The following NIBAN1 variants were observed in gnomAD, a reference collection of about 807,000 sequenced individuals.
The protein encoded by NIBAN1 is niban apoptosis regulator 1.
A neutral mutation model predicts 75.1 loss-of-function variants in NIBAN1; 81 were observed. The observed-to-expected ratio is 1.08, with a 90% CI of 0.90 to 1.30. The LOEUF (loss-of-function observed/expected upper bound fraction) is 1.30. Ranked by LOEUF, NIBAN1 falls within the 50% of genes most tolerant of loss-of-function variation. The probability of loss-of-function intolerance (pLI) is 0.00; values close to 1 mark genes in which losing one functional copy is unlikely to be tolerated. For synonymous variants in NIBAN1, 436 were observed against 424.8 expected (o/e 1.03, Z -0.32); for missense variants, 1,133 against 1,128.1 (o/e 1.00, Z -0.06).
rs116022399 is a variant in NIBAN1 at position 184,888,439 on chromosome 1, A to C, written c.433+1669T>G. 5.7e-3 allele frequency among the ~76,000 whole-genome samples: 864 copies of C among 152,288 alleles called. 5 individuals carry two copies. Among genetic ancestry groups the C allele is most frequent in the African/African-American group, 0.02 (814 of 41,550 alleles). The stretch of plus-strand genomic sequence containing the variant: ...CCTTTGCATTTAAAAAGCCTCAACA[A>C]ACCCATAAAATTCATTCCTTTTAGC... On this transcript the variant is annotated intron_variant, in intron 4 of 13. Coordinates refer to ENST00000367511, the MANE Select transcript of NIBAN1 (RefSeq NM_052966.4).
At chr1:184,890,304 A>G in intron 3 of NIBAN1, 82 bp from the exon 4 acceptor site, 1 of 918,184 alleles carries the variant, frequency 1.1e-6, no homozygotes, top group Non-Finnish European at 1.8e-6. Context: ...ACAAATAGAC[A>G]GATTCAGACA....
chr1:184,907,248 T>C (rs1300024860), intron 1 of NIBAN1, among the ~76,000 whole-genome samples: 1 of 152,166 alleles, frequency 6.6e-6, no homozygotes, highest in Admixed American at 6.5e-5. Context: ...CTTTCAGATA[T>C]TGCATTTTTA....
chr1:184,869,686 T>G (rs1021624132), intron 5 of NIBAN1, among the ~76,000 whole-genome samples: 2 of 151,964 alleles, frequency 1.3e-5, no homozygotes, highest in Admixed American at 1.3e-4. Flanking sequence ...GGATTACAGT[T>G]GTGCGCCACC....
intron 4 of NIBAN1, among the ~76,000 whole-genome samples, chr1:184,886,764 T>C (rs936691026): frequency 6.6e-6 from 1 of 152,162 alleles, no homozygotes; most frequent in African/African-American, 2.4e-5. Flanking sequence ...TAAGAGGCCA[T>C]TGAAAGCACT....
intron 1 of NIBAN1, among the ~76,000 whole-genome samples, chr1:184,973,434 G>A (rs991137804): frequency 2.0e-5 from 3 of 152,026 alleles, no homozygotes; most frequent in Non-Finnish European, 4.4e-5. Context: ...GGGGGATCTG[G>A]CGGCGGGGCG....
chr1:184,913,316 A>G (rs1237592200), intron 1 of NIBAN1, among the ~76,000 whole-genome samples: 2 of 151,976 alleles, frequency 1.3e-5, no homozygotes, highest in African/African-American at 2.4e-5. Flanking sequence ...CACCATTATC[A>G]TAGGAGATCA....
At chr1:184,973,429 A>G (rs1201125596) in intron 1 of NIBAN1, among the ~76,000 whole-genome samples, 1 of 148,964 alleles carries the variant, frequency 6.7e-6, no homozygotes, top group African/African-American at 2.5e-5. Flanking sequence ...AGGGTGGGGG[A>G]TCTGGCGGCG....
intron 6 of NIBAN1, among the ~76,000 whole-genome samples, chr1:184,828,683 G>T (rs1430987050): frequency 6.6e-6 from 1 of 152,166 alleles, no homozygotes; most frequent in Non-Finnish European, 1.5e-5. Context: ...TCAGCCAACT[G>T]CTCTGAATGT....
chr1:184,840,323 A>G lies in NIBAN1; in HGVS notation c.602-8361T>C, dbSNP rs145610062. Among the ~76,000 whole-genome samples, 412 of 152,304 alleles carry G rather than the reference A, an allele frequency of 2.7e-3. 2 individuals are homozygous for G. Among genetic ancestry groups the G allele is most frequent in the African/African-American group, 9.6e-3 (398 of 41,558 alleles). On this transcript the variant is annotated intron_variant, in intron 5 of 13. Coordinates refer to ENST00000367511, the MANE Select transcript of NIBAN1 (RefSeq NM_052966.4). ...AATATTAATCTACTGACCAAATCAT[A>G]TCTGTATTAGTGGACACAGCCCTAT...
intron 9 of NIBAN1, 134 bp downstream of exon 9, chr1:184,818,504 T>G (rs1654601176): frequency 2.4e-6 from 2 of 835,582 alleles, no homozygotes; most frequent in African/African-American, 1.7e-5. Context: ...AAAGGCTGGA[T>G]GAATGGAGGG....
At chr1:184,937,776 C>A (rs1380812060) in intron 1 of NIBAN1, among the ~76,000 whole-genome samples, 2 of 152,248 alleles carry the variant, frequency 1.3e-5, no homozygotes, top group Admixed American at 6.5e-5. Flanking sequence ...CAGCAAATTA[C>A]TTAAGCTCTC....
At chr1:184,801,438 C>T (rs1654038006) in intron 12 of NIBAN1, among the ~76,000 whole-genome samples, 1 of 152,172 alleles carries the variant, frequency 6.6e-6, no homozygotes, top group Non-Finnish European at 1.5e-5. Flanking sequence ...TGAGCCATAT[C>T]ACTGCTCTGT....
At chr1:184,805,861 G>C in intron 11 of NIBAN1, 85 bp downstream of exon 11, 1 of 1,036,392 alleles carries the variant, frequency 9.6e-7, no homozygotes, top group East Asian at 2.5e-5. Flanking sequence ...GAGCCAAGGA[G>C]AGAACTTGGT....
chr1:184,974,160 C>A, intron 1 of NIBAN1, 142 bp downstream of exon 1: 2 of 886,176 alleles, frequency 2.3e-6, no homozygotes, highest in Non-Finnish European at 3.0e-6. Context: ...GGAAACCCGA[C>A]TCGCGCGGGC....
intron 2 of NIBAN1, among the ~76,000 whole-genome samples, chr1:184,897,394 AT>A (rs1273136446): frequency 6.6e-6 from 1 of 151,492 alleles, no homozygotes; most frequent in Non-Finnish European, 1.5e-5. Context: ...CTTCTGGGAC[AT>A]TATGCTTTTC....
chr1:184,843,136 T>C (rs2102254063), intron 5 of NIBAN1, among the ~76,000 whole-genome samples: 1 of 152,310 alleles, frequency 6.6e-6, no homozygotes, highest in Admixed American at 6.5e-5. Context: ...ACACTTCAGG[T>C]GGGTTCATGA....
chr1:184,934,764 G>T (rs529443424), intron 1 of NIBAN1, among the ~76,000 whole-genome samples: 11 of 150,900 alleles, frequency 7.3e-5, no homozygotes, highest in Non-Finnish European at 1.5e-4. Context: ...GCATGGTGGC[G>T]CATGACTGTA....
chr1:184,898,480 G>A (rs1307654512), intron 2 of NIBAN1, among the ~76,000 whole-genome samples: 1 of 152,114 alleles, frequency 6.6e-6, no homozygotes, highest in African/African-American at 2.4e-5. Context: ...GCTGGGTGTG[G>A]TGGTGCGCAC....
intron 12 of NIBAN1, among the ~76,000 whole-genome samples, chr1:184,798,817 T>C (rs1653950208): frequency 6.6e-6 from 1 of 152,162 alleles, no homozygotes; most frequent in East Asian, 1.9e-4. Context: ...CCTATCATGA[T>C]AGTTTTTGCT....
Sources: allele counts gnomAD v4.1 joint callset (sites outside exome capture counted in the v4.1 genomes callset), GRCh38; gene constraint gnomAD v4.1.1; transcripts MANE v1.5; gene names NCBI Gene and HGNC (gene_info 2026-07-23, HGNC 2026-07-21).